Variants in DACH2 observed in about 807,000 individuals in gnomAD.
The protein encoded by DACH2 is dachshund family transcription factor 2, also known as dachshund homolog 2.
In DACH2, 17 loss-of-function variants were observed where a neutral mutation model predicts 35.8. The observed-to-expected ratio is 0.48, with a 90% CI of 0.33 to 0.71. DACH2 has a LOEUF of 0.71. Among genes scored for constraint, DACH2 ranks in the 30% least tolerant of loss-of-function variants. The pLI, the probability that DACH2 is intolerant of heterozygous loss-of-function variation, is 0.02. For synonymous variants in DACH2, 195 were observed against 177.3 expected, an observed-to-expected ratio of 1.10 and a Z score of -0.79; for missense variants, 469 against 472.7, an observed-to-expected ratio of 0.99 and a Z score of 0.07.
At chrX:86,379,352 C>G (rs1473361230) in intron 2 of DACH2, among the ~76,000 whole-genome samples, 1 of 110,895 alleles carries the variant, frequency 9.0e-6, no homozygotes, top group East Asian at 2.8e-4. Context: ...TGAGACTTTG[C>G]TTGTTTGTCT....
chrX:86,181,690 G>A (rs1244933640), intron 1 of DACH2, among the ~76,000 whole-genome samples: 1 of 111,290 alleles, frequency 9.0e-6, no homozygotes, highest in Non-Finnish European at 1.9e-5. Flanking sequence ...TAATCCTTGG[G>A]GTATATACCC....
chrX:86,619,722 G>A (rs2040047309), intron 3 of DACH2, among the ~76,000 whole-genome samples: 1 of 111,972 alleles, frequency 8.9e-6, no homozygotes, highest in Non-Finnish European at 1.9e-5. Flanking sequence ...GAATGAACAG[G>A]AAGGGGCACT....
At chrX:86,763,876 C>A (rs976925807) in intron 7 of DACH2, among the ~76,000 whole-genome samples, 1 of 111,320 alleles carries the variant, frequency 9.0e-6, no homozygotes, top group Non-Finnish European at 1.9e-5. Flanking sequence ...AATTTATGCA[C>A]TTTTTAATAT....
chrX:86,628,375 CAGAT>C (rs1379698191), intron 3 of DACH2, among the ~76,000 whole-genome samples: 1 of 111,854 alleles, frequency 8.9e-6, no homozygotes, highest in Non-Finnish European at 1.9e-5. Context: ...TAAAGTGACT[CAGAT>C]AGGCATACAG....
intron 6 of DACH2, among the ~76,000 whole-genome samples, chrX:86,721,955 C>T (rs1464298142): frequency 9.0e-6 from 1 of 110,973 alleles, no homozygotes; most frequent in East Asian, 2.8e-4. Flanking sequence ...GGAAACCACC[C>T]CCATGATTTG....
intron 1 of DACH2, among the ~76,000 whole-genome samples, chrX:86,329,761 T>A (rs780749345): frequency 7.3e-4 from 81 of 111,219 alleles, no homozygotes; most frequent in Admixed American, 1.6e-3. Context: ...GGACTTTCAT[T>A]TGACGATAGC....
intron 1 of DACH2, among the ~76,000 whole-genome samples, chrX:86,160,067 T>C (rs1602242219): frequency 9.1e-6 from 1 of 109,702 alleles, no homozygotes; most frequent in African/African-American, 3.3e-5. Flanking sequence ...AAAAACAAAG[T>C]GTTCCACAAA....
At chrX:86,786,966 G>T (rs960508725) in intron 7 of DACH2, among the ~76,000 whole-genome samples, 4 of 110,974 alleles carry the variant, frequency 3.6e-5, no homozygotes, top group African/African-American at 1.3e-4. Context: ...TTATAAGGGG[G>T]AGTCTCCCTG....
chrX:86,396,353 A>T (rs1418901038), intron 2 of DACH2, among the ~76,000 whole-genome samples: 8 of 94,728 alleles, frequency 8.4e-5, no homozygotes, highest in African/African-American at 2.8e-4. Flanking sequence ...GTTCACTCTG[A>T]TGGTAGTTTC....
At chrX:86,314,025 T>A (rs2034849945) in intron 1 of DACH2, among the ~76,000 whole-genome samples, 1 of 111,168 alleles carries the variant, frequency 9.0e-6, no homozygotes, top group African/African-American at 3.3e-5. Context: ...ACCATGCCCA[T>A]GTAAAATGGT....
chrX:86,680,977 AG>A (rs2148432666), intron 4 of DACH2, among the ~76,000 whole-genome samples: 1 of 110,858 alleles, frequency 9.0e-6, no homozygotes, highest in Non-Finnish European at 1.9e-5. Flanking sequence ...ATCAGTAGAC[AG>A]GGATTGGATA....
At chrX:86,658,359 A>G (rs2040566827) in intron 4 of DACH2, among the ~76,000 whole-genome samples, 1 of 111,703 alleles carries the variant, frequency 9.0e-6, no homozygotes, top group Non-Finnish European at 1.9e-5. Context: ...AAGAGCAGAG[A>G]CAGGAGAGTA....
At chrX:86,783,918 C>A (rs899564909) in intron 7 of DACH2, among the ~76,000 whole-genome samples, 2 of 110,421 alleles carry the variant, frequency 1.8e-5, no homozygotes, top group African/African-American at 6.6e-5. Context: ...TGAATAAGAC[C>A]TACTATTTGA....
chrX:86,709,064 TA>T (rs1353945683), intron 5 of DACH2, among the ~76,000 whole-genome samples: 3 of 111,534 alleles, frequency 2.7e-5, no homozygotes, highest in Non-Finnish European at 5.7e-5. Flanking sequence ...TTCCAACATT[TA>T]TATGGAAAGT....
intron 4 of DACH2, among the ~76,000 whole-genome samples, chrX:86,656,857 GTATATATATATATATATATA>G (rs752576150): frequency 1.5e-5 from 1 of 66,772 alleles, no homozygotes; most frequent in African/African-American, 7.2e-5. Context: ...GTGTGTGTGT[GTATATATATATATATATATA>G]TATATATATA....
intron 1 of DACH2, among the ~76,000 whole-genome samples, chrX:86,272,763 TATA>T (rs2033838249): frequency 9.0e-6 from 1 of 111,377 alleles, no homozygotes; most frequent in Non-Finnish European, 1.9e-5. Context: ...GATGATTCCA[TATA>T]ATAAGATTAG....
At chrX:86,263,744 G>T (rs1170995775) in intron 1 of DACH2, among the ~76,000 whole-genome samples, 1 of 111,553 alleles carries the variant, frequency 9.0e-6, no homozygotes, top group Non-Finnish European at 1.9e-5. Flanking sequence ...GTGAATCTAA[G>T]AGTTTACTTC....
intron 7 of DACH2, among the ~76,000 whole-genome samples, chrX:86,809,784 C>G (rs188238086): frequency 1.8e-5 from 2 of 110,848 alleles, no homozygotes; most frequent in African/African-American, 6.6e-5. Flanking sequence ...TTATCTCATC[C>G]ATGTTAAAAC....
intron 4 of DACH2, among the ~76,000 whole-genome samples, chrX:86,678,476 T>TAATAACAA (rs1312540848): frequency 1.8e-5 from 2 of 112,229 alleles, no homozygotes; most frequent in Non-Finnish European, 3.8e-5. Flanking sequence ...CAGTTTTCAC[T>TAATAACAA]TGGTAAAAAT....
Sources: allele counts gnomAD v4.1 joint callset (sites outside exome capture counted in the v4.1 genomes callset), GRCh38; gene constraint gnomAD v4.1.1; transcripts MANE v1.5; gene names NCBI Gene and HGNC (gene_info 2026-07-23, HGNC 2026-07-21).